Variants in MARCHF11 observed in about 807,000 individuals in gnomAD.
MARCHF11 encodes the protein membrane associated ring-CH-type finger 11, also known as E3 ubiquitin-protein ligase MARCHF11.
MARCHF11 carries 29 observed loss-of-function variants against 37.3 expected under a neutral mutation model. That is an observed-to-expected ratio of 0.78 (90% CI 0.58 to 1.06). The LOEUF (loss-of-function observed/expected upper bound fraction) is 1.06. Among genes scored for constraint, MARCHF11 ranks in the 50% least tolerant of loss-of-function variants. The pLI is 0.00. For synonymous variants in MARCHF11, 233 were observed against 228.0 expected, an observed-to-expected ratio of 1.02 and a Z score of -0.20; for missense variants, 482 against 533.4, an observed-to-expected ratio of 0.90 and a Z score of 0.95.
intron 3 of MARCHF11, among the ~76,000 whole-genome samples, chr5:16,072,098 T>G (rs1736449789): frequency 6.6e-6 from 1 of 152,140 alleles, no homozygotes; most frequent in Non-Finnish European, 1.5e-5. Flanking sequence ...TAGCTAGGAC[T>G]AACAAATACA....
chr5:16,078,590 C>T (rs1736558005), intron 3 of MARCHF11, among the ~76,000 whole-genome samples: 2 of 152,142 alleles, frequency 1.3e-5, no homozygotes, highest in Admixed American at 1.3e-4. Flanking sequence ...GTTCACATTT[C>T]TTTGAAAGAA....
chr5:16,130,245 G>A (rs976284535), intron 2 of MARCHF11, among the ~76,000 whole-genome samples: 3 of 142,252 alleles, frequency 2.1e-5, no homozygotes, highest in Non-Finnish European at 4.5e-5. Flanking sequence ...GTAAATTCCA[G>A]GTACATACAC....
chr5:16,135,958 G>A (rs534720097), intron 2 of MARCHF11, among the ~76,000 whole-genome samples: 6 of 151,482 alleles, frequency 4.0e-5, no homozygotes, highest in Admixed American at 2.6e-4. Context: ...CAGAGGGCGA[G>A]AAAGAGCAAA....
chr5:16,142,230 G>A (rs1036333168), intron 2 of MARCHF11, among the ~76,000 whole-genome samples: 1 of 152,198 alleles, frequency 6.6e-6, no homozygotes, highest in African/African-American at 2.4e-5. Context: ...TTAGAGGCAA[G>A]CCATTTCCAA....
At chr5:16,134,998 TCACACACA>T (rs1553996992) in intron 2 of MARCHF11, among the ~76,000 whole-genome samples, 4 of 143,802 alleles carry the variant, frequency 2.8e-5, no homozygotes, top group South Asian at 2.3e-4. Flanking sequence ...TCTCTCTCTC[TCACACACA>T]CACACACACA....
chr5:16,120,344 A>G (rs1737290900), intron 2 of MARCHF11, among the ~76,000 whole-genome samples: 1 of 152,166 alleles, frequency 6.6e-6, no homozygotes, highest in Non-Finnish European at 1.5e-5. Flanking sequence ...CACCCGCTTC[A>G]TGGCTACCTC....
chr5:16,119,241 T>C (rs182534940), intron 2 of MARCHF11, among the ~76,000 whole-genome samples: 1 of 151,982 alleles, frequency 6.6e-6, no homozygotes, highest in East Asian at 1.9e-4. Context: ...CTCACGCCTG[T>C]AATTGCACCT....
intron 2 of MARCHF11, among the ~76,000 whole-genome samples, chr5:16,168,751 AG>A (rs1182216826): frequency 6.6e-6 from 1 of 152,096 alleles, no homozygotes; most frequent in Non-Finnish European, 1.5e-5. Flanking sequence ...TGATAGAAAA[AG>A]GAAGAAAGAG....
At chr5:16,084,753 G>A (rs1736666670) in intron 3 of MARCHF11, among the ~76,000 whole-genome samples, 1 of 119,658 alleles carries the variant, frequency 8.4e-6, no homozygotes, top group East Asian at 3.2e-4. Context: ...TGTAGAAGGA[G>A]CAGTTTTTTT....
chr5:16,169,382 C>T (rs1738221122), intron 2 of MARCHF11, among the ~76,000 whole-genome samples: 1 of 151,912 alleles, frequency 6.6e-6, no homozygotes, highest in African/African-American at 2.4e-5. Flanking sequence ...GGAACTCTAT[C>T]GTTATAAGGA....
chr5:16,085,889 G>A (rs1161002360), intron 3 of MARCHF11, among the ~76,000 whole-genome samples: 3 of 128,320 alleles, frequency 2.3e-5, no homozygotes, highest in African/African-American at 5.8e-5. Context: ...GCAGTGAGCC[G>A]AGATCGTGCC....
Position 16,091,047 on chromosome 5 carries a change from A to C in MARCHF11, c.728T>G (p.Val243Gly), listed in dbSNP as rs1278053461. ...QSISITLVEK[V>G]QMIAVILGSL... ...TCCTAGGATTACAGCAATCATCTGA[A>C]CTTTCTCAACCAGTGTTATAGAAAT... Residue 243 changes from valine (V) to glycine (G), a missense_variant, in exon 3 of 4, where the codon GTT becomes GGT. Val to Gly is a moderately radical substitution (Grantham distance 109). Coordinates refer to ENST00000332432, the MANE Select transcript of MARCHF11 (RefSeq NM_001102562.3). 3 of 1,602,408 alleles carry C rather than the reference A, an allele frequency of 1.9e-6. No homozygotes were observed. The highest frequency in any genetic ancestry group is 2.6e-6 in the Non-Finnish European group (3 of 1,173,798).
chr5:16,074,712 T>C (rs761190905), intron 3 of MARCHF11, among the ~76,000 whole-genome samples: 1 of 152,180 alleles, frequency 6.6e-6, no homozygotes, highest in Non-Finnish European at 1.5e-5. Flanking sequence ...GGACAATGAA[T>C]TATTGTGAAA....
intron 2 of MARCHF11, among the ~76,000 whole-genome samples, chr5:16,152,611 G>C (rs1737906680): frequency 1.3e-5 from 2 of 151,916 alleles, no homozygotes; most frequent in Admixed American, 6.6e-5. Context: ...TGGAGCCCAA[G>C]ACGTTTCATC....
chr5:16,088,881 G>A (rs941664259), intron 3 of MARCHF11, among the ~76,000 whole-genome samples: 11 of 152,070 alleles, frequency 7.2e-5, no homozygotes, highest in African/African-American at 2.4e-4. Context: ...CCAGAAAAAT[G>A]GCAACTGTTT....
At chr5:16,177,286 C>T (rs1738379197) in intron 2 of MARCHF11, among the ~76,000 whole-genome samples, 1 of 152,168 alleles carries the variant, frequency 6.6e-6, no homozygotes, top group Non-Finnish European at 1.5e-5. Context: ...ATAGGTTCAA[C>T]CAAAGTTTTC....
chr5:16,095,608 C>T (rs752658706), intron 2 of MARCHF11, among the ~76,000 whole-genome samples: 28 of 152,346 alleles, frequency 1.8e-4, no homozygotes, highest in Admixed American at 1.0e-3. Context: ...CCTCAGCATG[C>T]AACGTCTGTC....
chr5:16,114,296 A>G (rs1361513796), intron 2 of MARCHF11, among the ~76,000 whole-genome samples: 4 of 152,184 alleles, frequency 2.6e-5, no homozygotes, highest in African/African-American at 9.7e-5. Context: ...TTTATTTTCA[A>G]AAGAAGGCAA....
chr5:16,090,745 T>C (rs933335825), intron 3 of MARCHF11, 144 bp downstream of exon 3: 1 of 580,476 alleles, frequency 1.7e-6, no homozygotes, highest in Non-Finnish European at 2.6e-6. Flanking sequence ...AGCAGCCCAA[T>C]TGTGACCCGC....
Sources: gnomAD v4.1 joint callset for allele counts (sites outside exome capture counted in the v4.1 genomes callset) on GRCh38, gnomAD v4.1.1 for gene constraint, MANE v1.5 for transcripts, NCBI Gene and HGNC (gene_info 2026-07-23, HGNC 2026-07-21) for gene names.